Variants in FLT3LG observed in about 807,000 individuals in gnomAD.
The protein encoded by FLT3LG is fms related receptor tyrosine kinase 3 ligand.
In FLT3LG, 8 loss-of-function variants were observed where a neutral mutation model predicts 30.9. The observed-to-expected ratio is 0.26, with a 90% confidence interval of 0.15 to 0.47. FLT3LG has a LOEUF of 0.47. Ranked by LOEUF, FLT3LG falls within the 20% of genes least tolerant of loss-of-function variation. The pLI is 0.99. For missense variants in FLT3LG, 278 were observed against 306.2 expected (o/e 0.91, Z 0.69); for synonymous variants, 123 against 135.9 (o/e 0.91, Z 0.66).
rs111741433 is a variant in FLT3LG at position 49,474,737 on chromosome 19, T to A, written c.33+65T>A. 3,557 of 1,523,872 alleles carry A rather than the reference T, an allele frequency of 2.3e-3. 3 individuals are homozygous for A. Among genetic ancestry groups the A allele is most frequent in the Non-Finnish European group, 2.9e-3 (3,223 of 1,109,658 alleles). 94.4% of individuals were successfully genotyped at this position (1,523,872 alleles called of 1,614,324 possible). ...GCACAATGTCAGGATGGGGCAGAGA[T>A]GAGGGGAGATGGACGGGAGAACAGA... is the stretch of plus-strand genomic sequence containing the variant. On this transcript the variant is annotated intron_variant, in intron 2 of 8. Coordinates refer to ENST00000597551, the MANE Select transcript of FLT3LG (RefSeq NM_001459.4).
intron 8 of FLT3LG, among the ~76,000 whole-genome samples, chr19:49,484,370 C>G (rs567388132): frequency 1.4e-5 from 2 of 147,728 alleles, no homozygotes; most frequent in African/African-American, 5.1e-5. Flanking sequence ...TCTTGACTCA[C>G]GGCAACCTCC....
At chr19:49,474,768 A>G in intron 2 of FLT3LG, 96 bp downstream of exon 2, 2 of 1,322,118 alleles carry the variant, frequency 1.5e-6, no homozygotes, top group Non-Finnish European at 2.1e-6. Flanking sequence ...ACAGATGGAC[A>G]GATGACGAGG....
At position 49,479,046 on chromosome 19, in the gene FLT3LG, C is replaced by CGGTAAA. The variant is rs1323007876; in HGVS notation, c.481+2_481+7dup. ...GGTGCCTGGAGCTGCAGTGTCAGCC[C>CGGTAAA]GGTAAAGGCTTCCAGGCACCCCCAC... is the stretch of plus-strand genomic sequence containing the variant. On this transcript the variant is annotated inframe_insertion and splice_region_variant, in exon 6 of 9. Transcript: ENST00000597551. 1 of 1,606,120 alleles carries CGGTAAA rather than the reference C, an allele frequency of 6.2e-7. No homozygotes were observed. The highest frequency in any genetic ancestry group is 8.5e-7 in the Non-Finnish European group (1 of 1,176,310).
At chr19:49,479,372 T>C (rs1313915791) in intron 6 of FLT3LG, among the ~76,000 whole-genome samples, 1 of 151,110 alleles carries the variant, frequency 6.6e-6, no homozygotes, top group African/African-American at 2.4e-5. Flanking sequence ...TTTTTTGTAT[T>C]TTTAGTAGAG....
rs777599465 is a variant in FLT3LG, at chr19:49,476,524, C to T, written c.300C>T (p.Arg100=). ...AGSKMQGLLE[R]VNTEIHFVTK... ...CCAAGATGCAAGGCTTGCTGGAGCG[C>T]GTGAACACGGAGATACACTTTGTCA... The change falls in exon 5 of 9, where the codon CGC becomes CGT. Residue 100 remains arginine (R), a synonymous_variant. Transcript: ENST00000597551. This position sits in a 1 kb window ranked among gnomAD's most constrained non-coding sequence, Gnocchi z 5.3. The T allele has an allele frequency of 6.2e-6, 10 of 1,614,182 alleles. No homozygotes were observed. In the Admixed American group the frequency reaches 6.7e-5, roughly 11 times the overall value.
chr19:49,474,567 TGAGGGTCC>T (rs2079306568), intron 1 of FLT3LG, 28 bp from the exon 2 acceptor site: 6 of 1,513,910 alleles, frequency 4.0e-6, no homozygotes, highest in Non-Finnish European at 5.5e-6. Context: ...GGCTGGGGCA[TGAGGGTCC>T]GAGACTTGTT....
intron 5 of FLT3LG, among the ~76,000 whole-genome samples, chr19:49,478,159 T>TATAAATAAATAAATAA (rs60871456): frequency 7.8e-5 from 11 of 140,410 alleles, no homozygotes; most frequent in African/African-American, 2.9e-4. Flanking sequence ...TACTAAAAAA[T>TATAAATAAATAAATAA]ATAAATAAAT....
chr19:49,485,807 C>T (rs1403549202), intron 8 of FLT3LG, among the ~76,000 whole-genome samples: 1 of 152,208 alleles, frequency 6.6e-6, no homozygotes, highest in East Asian at 1.9e-4. Context: ...CATGAGCCAC[C>T]GCGCCCGGGG....
intron 8 of FLT3LG, among the ~76,000 whole-genome samples, chr19:49,485,066 C>T (rs1392068382): frequency 6.6e-6 from 1 of 151,456 alleles, no homozygotes; most frequent in Admixed American, 6.6e-5. Flanking sequence ...CAGCCTGAAA[C>T]AGAGCAAGAC....
chr19:49,477,549 G>A (rs2079437471), intron 5 of FLT3LG, among the ~76,000 whole-genome samples: 1 of 150,688 alleles, frequency 6.6e-6, no homozygotes, highest in Non-Finnish European at 1.5e-5. Flanking sequence ...GACCAGCCTC[G>A]GCAACGTGAT....
chr19:49,479,228 A>C (rs1300777690), intron 6 of FLT3LG, among the ~76,000 whole-genome samples, 181 bp downstream of exon 6: 2 of 138,844 alleles, frequency 1.4e-5, no homozygotes, highest in African/African-American at 2.8e-5. Context: ...GGAGTCTCGC[A>C]CTGTCGCCCA....
intron 8 of FLT3LG, chr19:49,480,935 G>GGAAGGA (rs2079585340): frequency 4.0e-6 from 1 of 249,568 alleles, no homozygotes; most frequent in Non-Finnish European, 7.8e-6. Flanking sequence ...AGGAGGCTGA[G>GGAAGGA]GAAGGAGAAT....
rs368531676 is a variant in FLT3LG at position 49,474,928 on chromosome 19, GCGGGGAGATGGACAGAGGA to G, written c.33+257_33+275del. ...AGAGAGGAGTGGGAGATGGACAGGAGCGGGGAGATGGACAGAGGAGGGGGAGATGGACAGAGGAGAGGGC... is the reference window on the plus strand; with the variant it reads ...AGAGAGGAGTGGGAGATGGACAGGAGGGGGGAGATGGACAGAGGAGAGGGC... On this transcript the variant is annotated intron_variant, in intron 2 of 8. Coordinates refer to ENST00000597551, the MANE Select transcript of FLT3LG (RefSeq NM_001459.4). Among the ~76,000 whole-genome samples the G allele has an allele frequency of 7.5e-3, 936 of 123,984 alleles. 57 individuals carry two copies. Among genetic ancestry groups the G allele is most frequent in the African/African-American group, 0.036 (878 of 24,524 alleles). The allele number at this position is 123,984 out of a possible 152,430, so 81.3% of individuals were successfully genotyped here.
Position 49,476,646 on chromosome 19 carries a change from ATTGGCGAT to A in FLT3LG, c.342+85_342+92del. The A allele has an allele frequency of 6.3e-7, 1 of 1,588,836 alleles. No homozygotes were observed. The highest frequency in any genetic ancestry group is 1.1e-5 in the South Asian group (1 of 89,410). ...TAGAAGTAAAGCTCCACTAGGCCTT[ATTGGCGAT>A]TTGGACCATAGCCACCCAACGAAGG... On this transcript the variant is annotated intron_variant, in intron 5 of 8. Transcript: ENST00000597551. The surrounding 1 kb of genome is among the most constrained non-coding windows in gnomAD (Gnocchi z 5.3).
intron 8 of FLT3LG, chr19:49,481,458 G>A (rs913027521): frequency 6.5e-6 from 1 of 152,806 alleles, no homozygotes; most frequent in Non-Finnish European, 1.5e-5. Flanking sequence ...GAAAGCTCAG[G>A]GTGTTCCAGT....
intron 6 of FLT3LG, 102 bp from the exon 7 acceptor site, chr19:49,480,196 A>C (rs1435726896): frequency 1.3e-6 from 1 of 797,670 alleles, no homozygotes; most frequent in East Asian, 2.6e-5. Context: ...AGAGAGGCCA[A>C]GCAGCCCATC....
At chr19:49,483,343 CCT>C (rs1257943853) in intron 8 of FLT3LG, among the ~76,000 whole-genome samples, 1 of 151,832 alleles carries the variant, frequency 6.6e-6, no homozygotes, top group Non-Finnish European at 1.5e-5. Context: ...ATCTCCATCC[CCT>C]GACCTCGTGA....
chr19:49,483,308 G>A (rs1160640769), intron 8 of FLT3LG, among the ~76,000 whole-genome samples: 1 of 150,590 alleles, frequency 6.6e-6, no homozygotes, highest in Admixed American at 6.6e-5. Flanking sequence ...AGTAGAGACC[G>A]GGTTTCACCA....
At chr19:49,485,416 ATTTTGTTTTTGT>A (rs748617923) in intron 8 of FLT3LG, among the ~76,000 whole-genome samples, 1 of 149,422 alleles carries the variant, frequency 6.7e-6, no homozygotes, top group Non-Finnish European at 1.5e-5. Flanking sequence ...TGCCTAGCAA[ATTTTGTTTTTGT>A]TTTTGTTTTT....
Sources: allele counts gnomAD v4.1 joint callset (sites outside exome capture counted in the v4.1 genomes callset), GRCh38; gene constraint gnomAD v4.1.1; non-coding constraint Gnocchi (gnomAD v3.1); transcripts MANE v1.5; gene names NCBI Gene and HGNC (gene_info 2026-07-23, HGNC 2026-07-21).